The following SSBP3 variants were observed in gnomAD, a reference collection of about 807,000 sequenced individuals.
SSBP3 encodes the protein single stranded DNA binding protein 3.
Under a neutral mutation model 69.6 loss-of-function variants are expected in SSBP3, and 5 were observed. The ratio of observed to expected loss-of-function variants is 0.07; its 90% CI spans 0.04 to 0.15. The LOEUF (loss-of-function observed/expected upper bound fraction) is 0.15, where lower values mean the gene tolerates loss of function less well. Ranked by LOEUF, SSBP3 falls within the 10% of genes least tolerant of loss-of-function variation. SSBP3 has a pLI of 1.00. For missense variants in SSBP3, 312 were observed against 534.0 expected (o/e 0.58, Z 4.10); for synonymous variants, 196 against 193.4 (o/e 1.01, Z -0.11).
chr1:54,303,333 C>T (rs2101010402), intron 4 of SSBP3, among the ~76,000 whole-genome samples: 1 of 151,356 alleles, frequency 6.6e-6, no homozygotes, highest in African/African-American at 2.5e-5. Context: ...TGCCTCGCTG[C>T]CCTTGTTCGG....
intron 4 of SSBP3, among the ~76,000 whole-genome samples, chr1:54,343,932 G>C (rs1646649375): frequency 6.6e-6 from 1 of 152,214 alleles, no homozygotes; most frequent in South Asian, 2.1e-4. Flanking sequence ...AATTTTAGAA[G>C]AGGACATGCA....
intron 4 of SSBP3, among the ~76,000 whole-genome samples, chr1:54,322,599 C>T (rs957289931): frequency 2.0e-5 from 3 of 151,638 alleles, no homozygotes; most frequent in African/African-American, 4.9e-5. Flanking sequence ...ATGGGATCTA[C>T]ATTATGTATG....
intron 4 of SSBP3, among the ~76,000 whole-genome samples, chr1:54,345,061 C>T (rs1396089233): frequency 1.3e-5 from 2 of 152,150 alleles, no homozygotes; most frequent in African/African-American, 4.8e-5. Flanking sequence ...TTCTACTCCA[C>T]TCCTGTCATC....
chr1:54,272,438 C>T (rs1645209719), intron 5 of SSBP3, among the ~76,000 whole-genome samples: 1 of 151,256 alleles, frequency 6.6e-6, no homozygotes, highest in South Asian at 2.1e-4. Flanking sequence ...CTGGAATTCT[C>T]TTCCTCAAAC....
chr1:54,253,845 C>G (rs1644873897), intron 7 of SSBP3, among the ~76,000 whole-genome samples: 1 of 152,216 alleles, frequency 6.6e-6, no homozygotes, highest in Non-Finnish European at 1.5e-5. Context: ...GTCACTCTCT[C>G]CAGGTAGCCC....
intron 4 of SSBP3, among the ~76,000 whole-genome samples, chr1:54,319,584 C>T (rs1001523630): frequency 6.6e-6 from 1 of 152,058 alleles, no homozygotes; most frequent in African/African-American, 2.4e-5. Context: ...AGGTCCTCAG[C>T]ATCCCCTACC....
intron 4 of SSBP3, among the ~76,000 whole-genome samples, chr1:54,330,288 A>AT (rs1348824723): frequency 6.6e-6 from 1 of 152,208 alleles, no homozygotes; most frequent in Non-Finnish European, 1.5e-5. Flanking sequence ...TTCCGGGCAC[A>AT]TGAGGACTGC....
At chr1:54,281,755 G>C (rs761123587) in intron 4 of SSBP3, among the ~76,000 whole-genome samples, 1 of 152,070 alleles carries the variant, frequency 6.6e-6, no homozygotes, top group Non-Finnish European at 1.5e-5. Flanking sequence ...TCCCAGGTCC[G>C]GCCCCCACTG....
chr1:54,382,434 CTG>C (rs1647723961), intron 4 of SSBP3, among the ~76,000 whole-genome samples: 1 of 152,168 alleles, frequency 6.6e-6, no homozygotes, highest in African/African-American at 2.4e-5. Context: ...TCTATGAGGT[CTG>C]TGAGGGCAAA....
intron 4 of SSBP3, among the ~76,000 whole-genome samples, chr1:54,293,982 CA>C (rs563272669): frequency 6.7e-6 from 1 of 150,294 alleles, no homozygotes; most frequent in Non-Finnish European, 1.5e-5. Context: ...ACTAAAAATA[CA>C]AAAAAAATTA....
chr1:54,392,022 C>T (rs1310296518), intron 4 of SSBP3, among the ~76,000 whole-genome samples: 2 of 152,276 alleles, frequency 1.3e-5, no homozygotes, highest in Admixed American at 6.5e-5. Context: ...CTCTCAGGCC[C>T]TCTCCTCCCG....
intron 4 of SSBP3, among the ~76,000 whole-genome samples, chr1:54,357,461 G>T (rs1646887334): frequency 6.6e-6 from 1 of 152,130 alleles, no homozygotes; most frequent in African/African-American, 2.4e-5. Flanking sequence ...AAGGGTGCTA[G>T]CACTATTTGT....
At chr1:54,310,446 G>C (rs1360262200) in intron 4 of SSBP3, among the ~76,000 whole-genome samples, 1 of 152,166 alleles carries the variant, frequency 6.6e-6, no homozygotes, top group Non-Finnish European at 1.5e-5. Flanking sequence ...CATAAGAAAA[G>C]AGAGCCCACG....
intron 5 of SSBP3, among the ~76,000 whole-genome samples, chr1:54,272,374 C>T (rs1011389647): frequency 2.0e-5 from 3 of 151,998 alleles, no homozygotes; most frequent in Admixed American, 6.5e-5. Context: ...TGAGCTTACT[C>T]AGGGGGTCTA....
chr1:54,330,108 C>T (rs1329583246), intron 4 of SSBP3, among the ~76,000 whole-genome samples: 1 of 152,102 alleles, frequency 6.6e-6, no homozygotes, highest in East Asian at 1.9e-4. Context: ...AGCCCAAGAA[C>T]AAAACGGACC....
chr1:54,257,540 C>T (rs780939072), intron 6 of SSBP3, among the ~76,000 whole-genome samples: 11 of 152,130 alleles, frequency 7.2e-5, no homozygotes, highest in South Asian at 6.2e-4. Flanking sequence ...AGGACTGATA[C>T]GTAACATCTT....
intron 14 of SSBP3, among the ~76,000 whole-genome samples, chr1:54,234,011 C>A (rs1431905878): frequency 6.6e-6 from 1 of 151,988 alleles, no homozygotes; most frequent in African/African-American, 2.4e-5. Context: ...AAGAAAAATT[C>A]TTCTGCCTTG....
At chr1:54,240,067 TGTGTGTGTGTGTGTGTGTGTGCGC>T (rs1188724766) in intron 13 of SSBP3, among the ~76,000 whole-genome samples, 1,637 of 29,100 alleles carry the variant, frequency 0.056, 38 homozygotes, top group African/African-American at 0.19. Flanking sequence ...TGTGTGTGTG[TGTGTGTGTGTGTGTGTGTGTGCGC>T]GCGCGCGCGT....
At chr1:54,272,488 T>A (rs702495) in intron 5 of SSBP3, among the ~76,000 whole-genome samples, 80,702 of 147,892 alleles carry the variant, frequency 0.55, 21,894 homozygotes, top group South Asian at 0.69. Flanking sequence ...ACCTTTTTTT[T>A]AAAAAAAAAA....
Sources: allele counts gnomAD v4.1 joint callset (sites outside exome capture counted in the v4.1 genomes callset), GRCh38; gene constraint gnomAD v4.1.1; transcripts MANE v1.5; gene names NCBI Gene and HGNC (gene_info 2026-07-23, HGNC 2026-07-21).